The following ZC3H12C variants were observed in gnomAD, a reference collection of about 807,000 sequenced individuals.
ZC3H12C encodes the protein zinc finger CCCH-type containing 12C.
In ZC3H12C, 20 loss-of-function variants were observed where a neutral mutation model predicts 76.3. That is an observed-to-expected ratio of 0.26 (90% CI 0.18 to 0.38). The LOEUF is 0.38. Ranked by LOEUF, ZC3H12C falls within the 10% of genes least tolerant of loss-of-function variation. The pLI is 1.00. For missense variants in ZC3H12C, 874 were observed against 1,086.5 expected (o/e 0.80, Z 2.75); for synonymous variants, 352 against 399.6 (o/e 0.88, Z 1.42).
chr11:110,159,936 GT>G (rs1862449440), intron 4 of ZC3H12C, among the ~76,000 whole-genome samples: 1 of 152,252 alleles, frequency 6.6e-6, no homozygotes, highest in South Asian at 2.1e-4. Context: ...ACATCATAGA[GT>G]GTACTTACAC....
intron 1 of ZC3H12C, among the ~76,000 whole-genome samples, chr11:110,103,018 A>C (rs1351795802): frequency 6.6e-6 from 1 of 152,224 alleles, no homozygotes; most frequent in Non-Finnish European, 1.5e-5. Flanking sequence ...GAAACCAGAA[A>C]ATTTGCATCA....
chr11:110,171,316 G>A lies in ZC3H12C; in HGVS notation c.*5579G>A, dbSNP rs1187417653. 1.3e-5 allele frequency: 2 copies of A among 152,156 alleles called. No individual in the cohort carries two copies. The highest frequency in any genetic ancestry group is 2.9e-5 in the Non-Finnish European group (2 of 68,024). 9.4% of individuals were successfully genotyped at this position (152,156 alleles called of 1,614,324 possible). ...GCAGAGACAAAGCATTTCACTGCAC[G>A]TGTACCAGGTTATTGATTTTATCTT... On this transcript the variant is annotated 3_prime_UTR_variant, in exon 6 of 6. Coordinates refer to ENST00000278590, the MANE Select transcript of ZC3H12C (RefSeq NM_033390.2).
chr11:110,117,405 T>C (rs1196062680), intron 1 of ZC3H12C, among the ~76,000 whole-genome samples: 2 of 151,942 alleles, frequency 1.3e-5, no homozygotes, highest in Admixed American at 6.6e-5. Flanking sequence ...AGGAGAAAAA[T>C]GTATTTCTGT....
At chr11:110,129,612 A>G (rs1565257318) in intron 1 of ZC3H12C, among the ~76,000 whole-genome samples, 1 of 152,202 alleles carries the variant, frequency 6.6e-6, no homozygotes, top group Non-Finnish European at 1.5e-5. Context: ...GAAAAAGTCT[A>G]GGCTCTGCAT....
intron 2 of ZC3H12C, among the ~76,000 whole-genome samples, chr11:110,144,407 A>G (rs1862124739): frequency 6.6e-6 from 1 of 152,214 alleles, no homozygotes; most frequent in Admixed American, 6.5e-5. Flanking sequence ...TAAAGATGAG[A>G]AATTGAGATT....
intron 1 of ZC3H12C, among the ~76,000 whole-genome samples, chr11:110,097,945 G>A (rs536891009): frequency 1.3e-5 from 2 of 152,258 alleles, no homozygotes; most frequent in African/African-American, 2.4e-5. Context: ...GATAATGAAC[G>A]ATTATGTTAC....
At chr11:110,100,131 T>A (rs1333128534) in intron 1 of ZC3H12C, among the ~76,000 whole-genome samples, 1 of 152,170 alleles carries the variant, frequency 6.6e-6, no homozygotes, top group Admixed American at 6.5e-5. Flanking sequence ...AGCCACATTA[T>A]TTTATCCTGA....
At chr11:110,119,567 A>G (rs1298167512) in intron 1 of ZC3H12C, among the ~76,000 whole-genome samples, 4 of 152,158 alleles carry the variant, frequency 2.6e-5, no homozygotes, top group African/African-American at 9.7e-5. Context: ...TGAGCACACC[A>G]TGCACACTCT....
rs866728037 is a variant in ZC3H12C, at chr11:110,102,857, G to C, written c.21+9425G>C. ...GAGGCAAGACCTTTCACCAGCAAAA[G>C]GAATATGACTCACTGAAGGCTCAGA... On this transcript the variant is annotated intron_variant, in intron 1 of 5. Transcript: ENST00000278590. 1.4e-4 allele frequency among the ~76,000 whole-genome samples: 21 copies of C among 152,262 alleles called. 1 individual carries two copies. Among genetic ancestry groups the C allele is most frequent in the Middle Eastern group, 3.4e-3 (1 of 294 alleles).
At position 110,141,799 on chromosome 11, in the gene ZC3H12C, A is replaced by T. The variant is rs1188993882; in HGVS notation, c.773+4385A>T. Among the ~76,000 whole-genome samples the T allele has an allele frequency of 2.0e-5, 3 of 152,242 alleles. No individual in the cohort carries two copies. The East Asian group carries it at 5.8e-4, about 29-fold the overall frequency. On this transcript the variant is annotated intron_variant, in intron 2 of 5. Coordinates refer to ENST00000278590, the MANE Select transcript of ZC3H12C (RefSeq NM_033390.2). The stretch of plus-strand genomic sequence containing the variant: ...GTACAAAAATATGTAAACTATTTGA[A>T]TAACTTTTATGTTGATTGTGGATTT...
At chr11:110,125,957 T>C (rs1446347226) in intron 1 of ZC3H12C, among the ~76,000 whole-genome samples, 1 of 152,228 alleles carries the variant, frequency 6.6e-6, no homozygotes, top group Admixed American at 6.5e-5. Context: ...TCCTCATCTC[T>C]GACCTGAAGG....
intron 1 of ZC3H12C, among the ~76,000 whole-genome samples, chr11:110,107,685 C>T (rs1372074002): frequency 1.3e-5 from 2 of 152,014 alleles, no homozygotes; most frequent in East Asian, 3.9e-4. Context: ...GCCACCATAC[C>T]TGGCTAATTT....
intron 1 of ZC3H12C, among the ~76,000 whole-genome samples, chr11:110,096,336 A>G (rs1861112098): frequency 6.6e-6 from 1 of 152,218 alleles, no homozygotes; most frequent in Admixed American, 6.5e-5. Context: ...ATAACTGCAG[A>G]TATGTGTTGT....
chr11:110,106,223 G>A lies in ZC3H12C; in HGVS notation c.21+12791G>A, dbSNP rs1025355785. 8.8e-5 allele frequency among the ~76,000 whole-genome samples: 9 copies of A among 102,746 alleles called. 3 individuals are homozygous for A. In the South Asian group the frequency reaches 2.4e-3, roughly 27 times the overall value. 67.4% of individuals were successfully genotyped at this position (102,746 alleles called of 152,430 possible). ...GCGGAGCTTGCAGTGAGCCGAGATCGCGCCACTGCACTCCAGCCTGGGCGA... is the reference window on the plus strand; with the variant it reads ...GCGGAGCTTGCAGTGAGCCGAGATCACGCCACTGCACTCCAGCCTGGGCGA... On this transcript the variant is annotated intron_variant, in intron 1 of 5. Coordinates refer to ENST00000278590, the MANE Select transcript of ZC3H12C (RefSeq NM_033390.2).
At chr11:110,147,129 C>G (rs1472396272) in intron 2 of ZC3H12C, among the ~76,000 whole-genome samples, 1 of 152,170 alleles carries the variant, frequency 6.6e-6, no homozygotes, top group Admixed American at 6.5e-5. Context: ...GTGCCTGTTC[C>G]ATTAGTCAAA....
chr11:110,131,000 A>G (rs1861855292), intron 1 of ZC3H12C: 2 of 1,533,078 alleles, frequency 1.3e-6, no homozygotes, highest in African/African-American at 1.4e-5. Flanking sequence ...CTGTTCAACC[A>G]TTCATTGTTC....
intron 1 of ZC3H12C, among the ~76,000 whole-genome samples, chr11:110,103,713 C>G (rs1861263552): frequency 6.6e-6 from 1 of 151,750 alleles, no homozygotes; most frequent in Non-Finnish European, 1.5e-5. Flanking sequence ...TCATGCCACT[C>G]TCCTGACTCA....
Position 110,165,562 on chromosome 11 carries a change from G to C in ZC3H12C, c.2477G>C (p.Gly826Ala), listed in dbSNP as rs375909093. 3.3e-5 allele frequency: 54 copies of C among 1,613,066 alleles called. No individual in the cohort carries two copies. The highest frequency in any genetic ancestry group is 4.2e-5 in the Non-Finnish European group (49 of 1,179,502). The change falls in exon 6 of 6, where the codon GGA becomes GCA. Residue 826 changes from glycine (G) to alanine (A), a missense_variant. Physicochemically the swap from Gly to Ala is moderately conservative, Grantham distance 60. Coordinates refer to ENST00000278590, the MANE Select transcript of ZC3H12C (RefSeq NM_033390.2). ...CCAGCCTGGCGGATCCCATACTGTGGAATGCCGCAAGATCCCCCGAGGTAT... is the reference window on the plus strand; with the variant it reads ...CCAGCCTGGCGGATCCCATACTGTGCAATGCCGCAAGATCCCCCGAGGTAT... ...QEPAWRIPYC[G>A]MPQDPPRYQD...
intron 1 of ZC3H12C, among the ~76,000 whole-genome samples, chr11:110,097,915 A>G (rs6589111): frequency 0.7 from 107,000 of 152,132 alleles, 37,920 homozygotes; most frequent in East Asian, 0.89. Flanking sequence ...ACAAACCTAC[A>G]GTGCTGCTGA....
Sources: gnomAD v4.1 joint callset for allele counts (sites outside exome capture counted in the v4.1 genomes callset) on GRCh38, gnomAD v4.1.1 for gene constraint, MANE v1.5 for transcripts, NCBI Gene and HGNC (gene_info 2026-07-23, HGNC 2026-07-21) for gene names.